The following CFAP300 variants were observed in gnomAD, a reference collection of about 807,000 sequenced individuals.
The protein encoded by CFAP300 is cilia- and flagella-associated protein 300.
CFAP300 carries 32 observed loss-of-function variants against 33.0 expected under a neutral mutation model. The ratio of observed to expected loss-of-function variants is 0.97; its 90% CI spans 0.73 to 1.30. CFAP300 has a LOEUF of 1.30. Among genes scored for constraint, CFAP300 ranks in the 50% most tolerant of loss-of-function variants. CFAP300 has a pLI of 0.00. For synonymous variants in CFAP300, 102 were observed against 106.8 expected (o/e 0.95, Z 0.28); for missense variants, 356 against 318.1 (o/e 1.12, Z -0.90).
At chr11:102,047,634 A>G in intron 1 of CFAP300, 54 bp downstream of exon 1, 1 of 1,512,030 alleles carries the variant, frequency 6.6e-7, no homozygotes, top group Non-Finnish European at 8.9e-7. Context: ...GCGGCTGTGG[A>G]GGCGCAGGCC....
chr11:102,055,911 C>T (rs1472154325), intron 2 of CFAP300, among the ~76,000 whole-genome samples: 4 of 151,854 alleles, frequency 2.6e-5, no homozygotes, highest in Admixed American at 6.6e-5. Context: ...CCCTGTGATC[C>T]GCCCGCCTCG....
At position 102,083,106 on chromosome 11, in the gene CFAP300, T is replaced by C; in HGVS notation, c.711T>C (p.Asn237=). 6.5e-7 allele frequency: 1 copy of C among 1,544,710 alleles called. No homozygotes were observed. Among genetic ancestry groups the C allele is most frequent in the South Asian group, 1.3e-5 (1 of 77,676 alleles). The part of the protein sequence containing the change: ...SAGMCYPSAK[N]HEQTFSYFIV... ...GTATGTGCTATCCTTCAGCAAAGAA[T>C]CATGAACAGACATTTTCTTACTTTA... Residue 237 remains asparagine (N), a synonymous_variant, in exon 7 of 7, where the codon AAT becomes AAC. Transcript: ENST00000434758.
intron 4 of CFAP300, among the ~76,000 whole-genome samples, chr11:102,067,184 G>T (rs1234522693): frequency 6.6e-6 from 1 of 152,074 alleles, no homozygotes; most frequent in African/African-American, 2.4e-5. Context: ...CAAAAACTAC[G>T]AAAGTTAGCC....
At chr11:102,053,112 A>C (rs972201930) in intron 2 of CFAP300, among the ~76,000 whole-genome samples, 2 of 152,006 alleles carry the variant, frequency 1.3e-5, no homozygotes, top group Non-Finnish European at 2.9e-5. Context: ...GCCTGTAATC[A>C]CAGCTACTCA....
intron 2 of CFAP300, among the ~76,000 whole-genome samples, chr11:102,058,386 A>C (rs1251869201): frequency 9.9e-5 from 15 of 151,866 alleles, no homozygotes; most frequent in Admixed American, 9.9e-4. Flanking sequence ...CCCAGTCATC[A>C]TGCTCATAAA....
At chr11:102,049,942 G>A (rs951486586) in intron 2 of CFAP300, among the ~76,000 whole-genome samples, 3 of 151,814 alleles carry the variant, frequency 2.0e-5, no homozygotes, top group Admixed American at 1.3e-4. Context: ...CTTGAGCCCA[G>A]GAGTTTGAGA....
At chr11:102,052,150 C>T (rs939232857) in intron 2 of CFAP300, among the ~76,000 whole-genome samples, 3 of 152,232 alleles carry the variant, frequency 2.0e-5, no homozygotes, top group Non-Finnish European at 4.4e-5. Flanking sequence ...TATAAAGACT[C>T]ATTTCCTTTG....
intron 4 of CFAP300, among the ~76,000 whole-genome samples, chr11:102,072,450 C>T (rs889617032): frequency 6.6e-6 from 1 of 150,780 alleles, no homozygotes; most frequent in African/African-American, 2.5e-5. Context: ...TCTTTAATAT[C>T]ATTAATTTTT....
At chr11:102,078,581 A>C (rs1362548326) in intron 5 of CFAP300, among the ~76,000 whole-genome samples, 3 of 152,230 alleles carry the variant, frequency 2.0e-5, no homozygotes, top group Non-Finnish European at 4.4e-5. Flanking sequence ...TATTTTAGAG[A>C]TATTTTAAAG....
Position 102,081,322 on chromosome 11 carries a change from C to T in CFAP300, c.675+41C>T, listed in dbSNP as rs762931533. On this transcript the variant is annotated intron_variant, in intron 6 of 6. Coordinates refer to ENST00000434758, the MANE Select transcript of CFAP300 (RefSeq NM_032930.3). ...CTTTTGCAACCAAAGAATTTAATTA[C>T]TTTTTATTAATAGAGTTGTTACAAC... The T allele has an allele frequency of 7.9e-6, 12 of 1,511,126 alleles. No homozygotes were observed. In the African/African-American group the frequency reaches 1.5e-4, roughly 19 times the overall value. The allele number at this position is 1,511,126 out of a possible 1,614,324, so 93.6% of individuals were successfully genotyped here.
At position 102,050,635 on chromosome 11, in the gene CFAP300, G is replaced by A. The variant is rs538432037; in HGVS notation, c.192+2739G>A. Among the ~76,000 whole-genome samples the A allele has an allele frequency of 7.2e-5, 11 of 152,238 alleles. No individual in the cohort carries two copies. The South Asian group carries it at 1.2e-3, about 17-fold the overall frequency. On this transcript the variant is annotated intron_variant, in intron 2 of 6. Coordinates refer to ENST00000434758, the MANE Select transcript of CFAP300 (RefSeq NM_032930.3). ...AGAAGTGATAAAATACATACCTGAG[G>A]CATAAGGTACTTTGGTGACACAAAA...
In CFAP300 at chr11:102,076,049, ATG is replaced by A. The variant is rs1475727491; in HGVS notation, c.608+6_608+7del. On this transcript the variant is annotated splice_donor_5th_base_variant and intron_variant, in intron 5 of 6. Transcript: ENST00000434758. Reference sequence around the variant, plus strand: ...TTATCTATAAGGATCTGGTGAGGTAATGTTGCTAGATCACAATATGTAAATCT... The same window carrying A: ...TTATCTATAAGGATCTGGTGAGGTAATTGCTAGATCACAATATGTAAATCT... The A allele has an allele frequency of 6.2e-7, 1 of 1,602,286 alleles. No homozygotes were observed. Among genetic ancestry groups the A allele is most frequent in the East Asian group, 2.2e-5 (1 of 44,732 alleles).
intron 2 of CFAP300, among the ~76,000 whole-genome samples, chr11:102,052,239 A>G (rs1052722012): frequency 1.3e-5 from 2 of 152,194 alleles, no homozygotes; most frequent in African/African-American, 2.4e-5. Context: ...TGTTAAGTTA[A>G]TAACCTCCAG....
chr11:102,055,361 C>CTTTTTTTTTTTTTTTTTTT (rs561779599), intron 2 of CFAP300, among the ~76,000 whole-genome samples: 8 of 113,546 alleles, frequency 7.0e-5, no homozygotes, highest in African/African-American at 1.8e-4. Context: ...ATGCGTTACT[C>CTTTTTTTTTTTTTTTTTTT]TTTTTTTTTT....
rs143832402 is a variant in CFAP300 at position 102,077,741 on chromosome 11, ATTTC to A, written c.608+1700_608+1703del. Among the ~76,000 whole-genome samples, 328 of 152,064 alleles carry A rather than the reference ATTTC, an allele frequency of 2.2e-3. 1 individual carries two copies. The highest frequency in any genetic ancestry group is 7.6e-3 in the African/African-American group (317 of 41,498). ...AGGCACAAGCCACCATGCCTGGCTA[ATTTC>A]TTTATTTTTCATAGAGACGGGGTTT... On this transcript the variant is annotated intron_variant, in intron 5 of 6. Coordinates refer to ENST00000434758, the MANE Select transcript of CFAP300 (RefSeq NM_032930.3).
chr11:102,075,895 A>G lies in CFAP300; in HGVS notation c.458A>G (p.Glu153Gly). The change falls in exon 5 of 7, where the codon GAA (glutamate) becomes GGA (glycine). Residue 153 changes from glutamate to glycine, a missense_variant. Physicochemically the swap from Glu to Gly is moderately conservative, Grantham distance 98. Coordinates refer to ENST00000434758, the MANE Select transcript of CFAP300 (RefSeq NM_032930.3). ...LRRVLLVEDS[E>G]KYEIFSQPDR... ...TAGGTTTTGCTAGTGGAAGACTCAG[A>G]AAAATATGAAATATTCAGCCAACCA... The G allele has an allele frequency of 6.2e-7, 1 of 1,612,164 alleles. No individual in the cohort carries two copies. The highest frequency in any genetic ancestry group is 8.5e-7 in the Non-Finnish European group (1 of 1,179,440).
chr11:102,056,062 A>G (rs1942052416), intron 2 of CFAP300, among the ~76,000 whole-genome samples: 1 of 152,174 alleles, frequency 6.6e-6, no homozygotes, highest in Admixed American at 6.5e-5. Context: ...TAAGTGCTAT[A>G]TGTTAGGCCC....
At chr11:102,066,958 C>T (rs1210706546) in intron 4 of CFAP300, among the ~76,000 whole-genome samples, 4 of 152,212 alleles carry the variant, frequency 2.6e-5, no homozygotes, top group African/African-American at 7.2e-5. Context: ...CTCAAATTAT[C>T]TATAGTGCTG....
chr11:102,056,591 G>C (rs1942059838), intron 2 of CFAP300, among the ~76,000 whole-genome samples: 1 of 151,646 alleles, frequency 6.6e-6, no homozygotes, highest in Non-Finnish European at 1.5e-5. Flanking sequence ...CTATTTGTGG[G>C]GTTTTTTGTT....
Sources: allele counts gnomAD v4.1 joint callset (sites outside exome capture counted in the v4.1 genomes callset), GRCh38; gene constraint gnomAD v4.1.1; transcripts MANE v1.5; gene names NCBI Gene and HGNC (gene_info 2026-07-23, HGNC 2026-07-21).